The following C5orf63 variants were observed in gnomAD, a reference collection of about 807,000 sequenced individuals.
The protein encoded by C5orf63 is glutaredoxin-like protein C5orf63.
Under a neutral mutation model 13.3 loss-of-function variants are expected in C5orf63, and 18 were observed. The ratio of observed to expected loss-of-function variants is 1.36; its 90% CI spans 0.94 to 2.01. The LOEUF is 2.01. C5orf63 is among the 30% of genes most tolerant of loss of function. The pLI is 0.00. For synonymous variants in C5orf63, 38 were observed against 44.7 expected (o/e 0.85, Z 0.60); for missense variants, 118 against 127.7 (o/e 0.92, Z 0.36).
At chr5:127,065,402 T>C (rs1248868935) in intron 2 of C5orf63, among the ~76,000 whole-genome samples, 2 of 152,164 alleles carry the variant, frequency 1.3e-5, no homozygotes, top group Non-Finnish European at 2.9e-5. Flanking sequence ...TAGGCTAAAA[T>C]TGGAGGTGGC....
At chr5:127,045,701 C>T (rs528931022) in exon 5 of C5orf63, 1 of 152,338 alleles carries the variant, frequency 6.6e-6, no homozygotes, top group African/African-American at 2.4e-5. Context: ...CTCATCCTAA[C>T]TCTCTTGCTA....
At chr5:127,054,185 C>T (rs1487646449) in intron 3 of C5orf63, among the ~76,000 whole-genome samples, 2 of 151,772 alleles carry the variant, frequency 1.3e-5, no homozygotes, top group African/African-American at 4.8e-5. Context: ...TTTTTTAGAC[C>T]TGGGGTCCAC....
At chr5:127,051,023 T>A (rs73339248), downstream of C5orf63, among the ~76,000 whole-genome samples, 1 of 152,090 alleles carries the variant, frequency 6.6e-6, no homozygotes, top group African/African-American at 2.4e-5. Flanking sequence ...ATATTAAAAT[T>A]TGACTTAAAA....
chr5:127,058,787 G>A, intron 3 of C5orf63, 95 bp downstream of exon 3: 1 of 780,990 alleles, frequency 1.3e-6, no homozygotes, highest in East Asian at 2.7e-5. Context: ...CAGGTCTGAA[G>A]AAAGCTTATT....
chr5:127,050,209 A>G (rs1753626379), downstream of C5orf63, among the ~76,000 whole-genome samples: 1 of 152,246 alleles, frequency 6.6e-6, no homozygotes, highest in South Asian at 2.1e-4. Context: ...ACAGGGAATT[A>G]TCCAAGAGTG....
At chr5:127,068,136 T>C (rs1355463469) in intron 2 of C5orf63, among the ~76,000 whole-genome samples, 1 of 152,152 alleles carries the variant, frequency 6.6e-6, no homozygotes, top group Admixed American at 6.5e-5. Flanking sequence ...ACTTGTCCCA[T>C]TCTCTCATTT....
At chr5:127,050,369 C>T (rs528571019), downstream of C5orf63, among the ~76,000 whole-genome samples, 23 of 151,468 alleles carry the variant, frequency 1.5e-4, no homozygotes, top group African/African-American at 5.3e-4. Context: ...TTTTAAGAGA[C>T]ACAGTCTCAC....
At chr5:127,065,500 A>G (rs1023902679) in intron 2 of C5orf63, among the ~76,000 whole-genome samples, 1 of 152,192 alleles carries the variant, frequency 6.6e-6, no homozygotes, top group Non-Finnish European at 1.5e-5. Context: ...GGTTAGACAC[A>G]AAGGTAATGG....
At chr5:127,049,382 G>C (rs1003733534), downstream of C5orf63, among the ~76,000 whole-genome samples, 2 of 152,010 alleles carry the variant, frequency 1.3e-5, no homozygotes, top group Admixed American at 6.6e-5. Context: ...TACATATACT[G>C]TTCCCTTGTA....
At chr5:127,047,367 T>C (rs1271144286), downstream of C5orf63, 1 of 222,078 alleles carries the variant, frequency 4.5e-6, no homozygotes, top group East Asian at 9.4e-5. Flanking sequence ...ATCACAGTAA[T>C]AGGTGACATA....
intron 2 of C5orf63, among the ~76,000 whole-genome samples, chr5:127,067,319 C>T (rs55771558): frequency 0.013 from 2,006 of 152,204 alleles, 22 homozygotes; most frequent in Non-Finnish European, 0.022. Context: ...AATAATGATT[C>T]TATTGACTGA....
At chr5:127,054,714 T>C (rs1379113786) in intron 3 of C5orf63, among the ~76,000 whole-genome samples, 1 of 152,230 alleles carries the variant, frequency 6.6e-6, no homozygotes, top group Non-Finnish European at 1.5e-5. Context: ...GTAGTTTCTT[T>C]TGCTGTGCAG....
exon 5 of C5orf63, chr5:127,045,445 C>T (rs1239704935): frequency 1.3e-5 from 2 of 152,210 alleles, no homozygotes; most frequent in African/African-American, 2.4e-5. Flanking sequence ...GAATTTCCTA[C>T]TCTCTTTACC....
chr5:127,058,549 G>A (rs767792790), intron 3 of C5orf63, among the ~76,000 whole-genome samples: 24 of 152,200 alleles, frequency 1.6e-4, no homozygotes, highest in South Asian at 8.3e-4. Context: ...TTAATTCAGC[G>A]TTCAAGGTGA....
At chr5:127,052,806 A>C in intron 3 of C5orf63, 137 bp from the exon 4 acceptor site, 2 of 533,326 alleles carry the variant, frequency 3.8e-6, no homozygotes, top group Non-Finnish European at 6.1e-6. Context: ...TGTTAGTTAC[A>C]CTGCTTTTCC....
chr5:127,066,297 T>G (rs1279916347), intron 2 of C5orf63, among the ~76,000 whole-genome samples: 1 of 151,950 alleles, frequency 6.6e-6, no homozygotes, highest in African/African-American at 2.4e-5. Flanking sequence ...AGGAGGGAAA[T>G]GACATGATCT....
At chr5:127,060,067 G>A (rs1754042290) in intron 2 of C5orf63, among the ~76,000 whole-genome samples, 1 of 151,918 alleles carries the variant, frequency 6.6e-6, no homozygotes, top group Non-Finnish European at 1.5e-5. Context: ...GAATCTGGGA[G>A]GTGGAGGTTG....
At chr5:127,055,194 T>C (rs569451830) in intron 3 of C5orf63, among the ~76,000 whole-genome samples, 1 of 152,338 alleles carries the variant, frequency 6.6e-6, no homozygotes, top group South Asian at 2.1e-4. Flanking sequence ...AGGTAATTTA[T>C]AGATTCAGTG....
At chr5:127,044,329 G>A (rs1753471917), downstream of C5orf63, 1 of 151,654 alleles carries the variant, frequency 6.6e-6, no homozygotes, top group Non-Finnish European at 1.5e-5. Context: ...CTCCTCTTTT[G>A]TATGACATTA....
Sources: allele counts gnomAD v4.1 joint callset (sites outside exome capture counted in the v4.1 genomes callset), GRCh38; gene constraint gnomAD v4.1.1; transcripts MANE v1.5; gene names NCBI Gene and HGNC (gene_info 2026-07-23, HGNC 2026-07-21).